Variants in NLGN1 observed in about 807,000 individuals in gnomAD.
NLGN1 encodes the protein neuroligin-1.
NLGN1 carries 12 observed loss-of-function variants against 65.5 expected under a neutral mutation model. The observed-to-expected ratio is 0.18, with a 90% CI of 0.12 to 0.30. The LOEUF is 0.30. Ranked by LOEUF, NLGN1 falls within the 10% of genes least tolerant of loss-of-function variation. The pLI is 1.00. For missense variants in NLGN1, 750 were observed against 1,007.1 expected (o/e 0.74, Z 3.46); for synonymous variants, 350 against 359.5 (o/e 0.97, Z 0.30).
chr3:173,997,200 A>G (rs1722440424), intron 4 of NLGN1, among the ~76,000 whole-genome samples: 1 of 152,126 alleles, frequency 6.6e-6, no homozygotes, highest in Admixed American at 6.6e-5. Flanking sequence ...ATTATTAATT[A>G]TTTTTGAAAC....
At chr3:173,484,140 C>T (rs1727764699) in intron 2 of NLGN1, among the ~76,000 whole-genome samples, 1 of 151,944 alleles carries the variant, frequency 6.6e-6, no homozygotes, top group Non-Finnish European at 1.5e-5. Flanking sequence ...ATCAATTAAG[C>T]AGGAAAAAAC....
chr3:173,723,418 A>G (rs1042437857), intron 3 of NLGN1, among the ~76,000 whole-genome samples: 1 of 152,158 alleles, frequency 6.6e-6, no homozygotes, highest in African/African-American at 2.4e-5. Flanking sequence ...ATTTAGACAA[A>G]AATTCTTTTA....
chr3:173,628,446 TAAAG>T (rs909930063), intron 3 of NLGN1, among the ~76,000 whole-genome samples: 4 of 152,158 alleles, frequency 2.6e-5, no homozygotes, highest in Middle Eastern at 3.4e-3. Context: ...TCAATAAAAA[TAAAG>T]AAGTCAATGT....
intron 3 of NLGN1, among the ~76,000 whole-genome samples, chr3:173,631,535 G>A (rs1755689657): frequency 6.6e-6 from 1 of 152,138 alleles, no homozygotes; most frequent in South Asian, 2.1e-4. Flanking sequence ...GCTACCAGGA[G>A]TAAGGATTTT....
intron 4 of NLGN1, among the ~76,000 whole-genome samples, chr3:174,260,039 A>G (rs565581597): frequency 1.5e-3 from 224 of 152,180 alleles, no homozygotes; most frequent in African/African-American, 5.4e-3. Flanking sequence ...GCTGCATAGT[A>G]TTCCATGGTG....
rs77451073 is a variant in NLGN1, at chr3:173,567,363, G to T, written c.-320-36916G>T. On this transcript the variant is annotated intron_variant, in intron 2 of 6. Coordinates refer to ENST00000457714, the Ensembl canonical transcript of NLGN1. ...ATACTCTTAACCCATATAAAGTTGA[G>T]ATATTGATGGAAAAAATGAAATATT... 4.8e-3 allele frequency among the ~76,000 whole-genome samples: 736 copies of T among 151,984 alleles called. 7 individuals carry two copies. Among genetic ancestry groups the T allele is most frequent in the African/African-American group, 0.017 (691 of 41,490 alleles).
chr3:174,170,613 A>T (rs907133847), intron 4 of NLGN1, among the ~76,000 whole-genome samples: 1 of 152,218 alleles, frequency 6.6e-6, no homozygotes, highest in South Asian at 2.1e-4. Flanking sequence ...TCTGTATTGA[A>T]TTACATACAT....
chr3:174,281,279 T>C, exon 7 of NLGN1: 1 of 1,588,122 alleles, frequency 6.3e-7, no homozygotes, highest in Non-Finnish European at 8.6e-7. Context: ...CCCACCCCCA[T>C]TCACATTCAA....
chr3:173,561,988 A>G (rs944908598), intron 2 of NLGN1, among the ~76,000 whole-genome samples: 7 of 152,178 alleles, frequency 4.6e-5, no homozygotes, highest in Admixed American at 1.3e-4. Flanking sequence ...AAATAGGGCT[A>G]TAGATGATCA....
chr3:173,642,330 G>A (rs1757542957), intron 3 of NLGN1, among the ~76,000 whole-genome samples: 1 of 152,094 alleles, frequency 6.6e-6, no homozygotes, highest in Non-Finnish European at 1.5e-5. Flanking sequence ...AAACCCAGAT[G>A]GAATCTAGCC....
chr3:173,493,778 G>A (rs2149024561), intron 2 of NLGN1, among the ~76,000 whole-genome samples: 2 of 151,852 alleles, frequency 1.3e-5, no homozygotes, highest in East Asian at 3.9e-4. Flanking sequence ...ACTATTCTAT[G>A]AAACAAATAC....
chr3:173,593,103 C>G (rs936331011), intron 2 of NLGN1, among the ~76,000 whole-genome samples: 2 of 152,172 alleles, frequency 1.3e-5, no homozygotes, highest in South Asian at 4.1e-4. Context: ...ACTCCATATT[C>G]TTAAATCTCC....
chr3:173,540,559 A>G (rs1350397969), intron 2 of NLGN1, among the ~76,000 whole-genome samples: 1 of 152,156 alleles, frequency 6.6e-6, no homozygotes, highest in Non-Finnish European at 1.5e-5. Flanking sequence ...GACACATGTC[A>G]TTTTCAGTAA....
Position 174,251,069 on chromosome 3 carries a change from C to T in NLGN1, c.647-24246C>T, listed in dbSNP as rs78842848. Reference sequence around the variant, plus strand: ...CTCTGGTGGAATCCATCTTCCATCACAGCAAGATCAATCAACTCTAATTTT... The same window carrying T: ...CTCTGGTGGAATCCATCTTCCATCATAGCAAGATCAATCAACTCTAATTTT... On this transcript the variant is annotated intron_variant, in intron 4 of 6. Coordinates refer to ENST00000457714, the Ensembl canonical transcript of NLGN1. Among the ~76,000 whole-genome samples, 906 of 151,568 alleles carry T rather than the reference C, an allele frequency of 6.0e-3. 22 individuals are homozygous for T. The highest frequency in any genetic ancestry group is 0.03 in the East Asian group (153 of 5,152).
chr3:174,032,776 G>A (rs952396491), intron 4 of NLGN1, among the ~76,000 whole-genome samples: 10 of 152,228 alleles, frequency 6.6e-5, no homozygotes, highest in African/African-American at 2.4e-4. Context: ...CACAAGGAGG[G>A]CCAGCTCTCC....
chr3:174,229,407 T>C lies in NLGN1; in HGVS notation c.647-45908T>C, dbSNP rs190934333. 1.5e-3 allele frequency among the ~76,000 whole-genome samples: 223 copies of C among 152,234 alleles called. 2 individuals are homozygous for C. Among genetic ancestry groups the C allele is most frequent in the African/African-American group, 4.9e-3 (205 of 41,558 alleles). Reference sequence around the variant, plus strand: ...CATATAATATACATTCATCCTCTTCTCTTTCCGCATCTCCATAAACAGTTT... The same window carrying C: ...CATATAATATACATTCATCCTCTTCCCTTTCCGCATCTCCATAAACAGTTT... On this transcript the variant is annotated intron_variant, in intron 4 of 6. Transcript: ENST00000457714.
intron 4 of NLGN1, among the ~76,000 whole-genome samples, chr3:174,136,868 T>A (rs1220741383): frequency 6.6e-6 from 1 of 152,126 alleles, no homozygotes; most frequent in Non-Finnish European, 1.5e-5. Flanking sequence ...TTACAGATGC[T>A]CCTTGACTAA....
At chr3:173,531,493 C>T (rs1164378122) in intron 2 of NLGN1, among the ~76,000 whole-genome samples, 1 of 151,750 alleles carries the variant, frequency 6.6e-6, no homozygotes, top group East Asian at 1.9e-4. Flanking sequence ...ATTTCTAGCA[C>T]ATATGATGAA....
chr3:173,538,251 G>T (rs954218215), intron 2 of NLGN1, among the ~76,000 whole-genome samples: 14 of 152,132 alleles, frequency 9.2e-5, no homozygotes, highest in African/African-American at 3.4e-4. Context: ...GGTATTGCCA[G>T]CTAGCTGTCA....
Sources: allele counts gnomAD v4.1 joint callset (sites outside exome capture counted in the v4.1 genomes callset), GRCh38; gene constraint gnomAD v4.1.1; transcripts MANE v1.5; gene names NCBI Gene and HGNC (gene_info 2026-07-23, HGNC 2026-07-21).